The following ENOX1 variants were observed in gnomAD, a reference collection of about 807,000 sequenced individuals.
ENOX1 encodes ecto-NOX disulfide-thiol exchanger 1.
Under a neutral mutation model 82.5 loss-of-function variants are expected in ENOX1, and 42 were observed. The observed-to-expected ratio is 0.51, with a 90% CI of 0.40 to 0.66. The LOEUF is 0.66. Among genes scored for constraint, ENOX1 ranks in the 30% least tolerant of loss-of-function variants. ENOX1 has a pLI of 0.00. For missense variants in ENOX1, 608 were observed against 811.6 expected (o/e 0.75, Z 3.05); for synonymous variants, 271 against 282.2 (o/e 0.96, Z 0.40).
chr13:43,548,370 C>T (rs2079053541), intron 2 of ENOX1, among the ~76,000 whole-genome samples: 1 of 152,194 alleles, frequency 6.6e-6, no homozygotes, highest in Admixed American at 6.5e-5. Context: ...GATGTACTGG[C>T]ACACTTAATG....
At chr13:43,703,988 G>T (rs1210656590) in intron 1 of ENOX1, among the ~76,000 whole-genome samples, 1 of 151,636 alleles carries the variant, frequency 6.6e-6, no homozygotes, top group African/African-American at 2.4e-5. Flanking sequence ...AAAATAACAG[G>T]GATGGTGAAA....
At chr13:43,216,311 G>A (rs184696643) in intron 16 of ENOX1, among the ~76,000 whole-genome samples, 30 of 152,308 alleles carry the variant, frequency 2.0e-4, no homozygotes, top group African/African-American at 7.2e-4. Flanking sequence ...TTCTTCAGGT[G>A]TGTAATAGAA....
At chr13:43,458,368 C>G (rs1438800888) in intron 3 of ENOX1, 2 of 152,138 alleles carry the variant, frequency 1.3e-5, no homozygotes, top group African/African-American at 2.4e-5. Context: ...AAAAGCTATT[C>G]AAGTCAGAAT....
intron 12 of ENOX1, among the ~76,000 whole-genome samples, chr13:43,293,709 A>G (rs151138420): frequency 5.3e-4 from 81 of 152,370 alleles, no homozygotes; most frequent in African/African-American, 1.9e-3. Context: ...TGCTGAACTT[A>G]CCCAAGGGGT....
At chr13:43,460,749 G>A (rs1038607787) in intron 3 of ENOX1, among the ~76,000 whole-genome samples, 4 of 133,474 alleles carry the variant, frequency 3.0e-5, no homozygotes, top group Admixed American at 8.7e-5. Context: ...GGCAGAGATC[G>A]CACCACTGCA....
chr13:43,413,201 T>A (rs1209266360), intron 3 of ENOX1, among the ~76,000 whole-genome samples: 2 of 152,130 alleles, frequency 1.3e-5, no homozygotes, highest in Non-Finnish European at 2.9e-5. Context: ...ACTCATCGAC[T>A]CACCAGGAGC....
At chr13:43,770,459 C>T (rs1951521373) in intron 1 of ENOX1, among the ~76,000 whole-genome samples, 1 of 152,072 alleles carries the variant, frequency 6.6e-6, no homozygotes, top group Non-Finnish European at 1.5e-5. Context: ...ATCCCCTACC[C>T]ACTGGATTTT....
chr13:43,714,132 T>C lies in ENOX1; in HGVS notation c.-284-46588A>G, dbSNP rs926193203. On this transcript the variant is annotated intron_variant, in intron 1 of 16. Transcript: ENST00000690772. ...TGTTGTGTCTTTGTTCTCGTTGGTT[T>C]CAAAGAACATCTTTATTTCTGCCTT... 7.7e-4 allele frequency among the ~76,000 whole-genome samples: 117 copies of C among 151,788 alleles called. 3 individuals are homozygous for C. The highest frequency in any genetic ancestry group is 2.8e-3 in the African/African-American group (114 of 41,328).
intron 2 of ENOX1, among the ~76,000 whole-genome samples, chr13:43,496,640 CCA>C (rs1443713095): frequency 6.6e-6 from 1 of 152,128 alleles, no homozygotes; most frequent in African/African-American, 2.4e-5. Flanking sequence ...CCTCGGCCTC[CCA>C]CAGTGTTGGG....
chr13:43,394,064 T>G (rs1201726158), intron 5 of ENOX1, among the ~76,000 whole-genome samples: 2 of 152,250 alleles, frequency 1.3e-5, no homozygotes, highest in African/African-American at 4.8e-5. Flanking sequence ...ATCACAAGCC[T>G]AGAAGATGCA....
chr13:43,247,860 TATATA>T lies in ENOX1; in HGVS notation c.1612-11127_1612-11123del, dbSNP rs2043194144. ...ATATATATATATATATATATATATA[TATATA>T]TATATATATATATATATATTTTTTT... On this transcript the variant is annotated intron_variant, in intron 14 of 16. Coordinates refer to ENST00000690772, the MANE Select transcript of ENOX1 (RefSeq NM_001347969.2). 6.8e-3 allele frequency among the ~76,000 whole-genome samples: 27 copies of T among 3,946 alleles called. 3 individuals carry two copies. The highest frequency in any genetic ancestry group is 0.015 in the Admixed American group (3 of 206). 2.6% of individuals were successfully genotyped at this position (3,946 alleles called of 152,430 possible). A position where few individuals can be genotyped will look rare whatever the true frequency, so the allele number is the denominator to read the frequency against.
At chr13:43,596,619 G>C (rs996622793) in intron 2 of ENOX1, among the ~76,000 whole-genome samples, 54 of 152,180 alleles carry the variant, frequency 3.5e-4, no homozygotes, top group African/African-American at 1.2e-3. Context: ...CATCCTTTCT[G>C]TGTGTTCAAA....
At position 43,341,500 on chromosome 13, in the gene ENOX1, G is replaced by C. The variant is rs543674849; in HGVS notation, c.1036+3038C>G. Reference sequence around the variant, plus strand: ...TGGAAGGTGGTTTTGATGGGCTCAGGGGGAAAGGGGCCAGTGGAAATGATG... The same window carrying C: ...TGGAAGGTGGTTTTGATGGGCTCAGCGGGAAAGGGGCCAGTGGAAATGATG... On this transcript the variant is annotated intron_variant, in intron 9 of 16. Transcript: ENST00000690772. 3.9e-5 allele frequency among the ~76,000 whole-genome samples: 6 copies of C among 152,252 alleles called. No individual in the cohort carries two copies. The South Asian group carries it at 1.0e-3, about 26-fold the overall frequency.
intron 1 of ENOX1, among the ~76,000 whole-genome samples, chr13:43,739,756 G>A (rs896456751): frequency 2.2e-4 from 33 of 151,988 alleles, no homozygotes; most frequent in South Asian, 1.7e-3. Context: ...GAAGCTGTGT[G>A]ATATACGGTT....
intron 1 of ENOX1, among the ~76,000 whole-genome samples, chr13:43,764,524 T>C (rs1469804931): frequency 6.6e-6 from 1 of 152,134 alleles, no homozygotes; most frequent in Non-Finnish European, 1.5e-5. Context: ...TACTGTGAAA[T>C]GTAAAGGCAG....
chr13:43,571,813 G>T (rs563401171), intron 2 of ENOX1, among the ~76,000 whole-genome samples: 4 of 152,218 alleles, frequency 2.6e-5, no homozygotes, highest in Admixed American at 2.0e-4. Context: ...GGCTGAAGTG[G>T]ATAATCTTTA....
chr13:43,361,516 C>A (rs2050505912), intron 5 of ENOX1, 64 bp from the exon 6 acceptor site: 1 of 1,478,676 alleles, frequency 6.8e-7, no homozygotes, highest in South Asian at 1.3e-5. Context: ...TTGTTTTTGC[C>A]ATTTTCCTGT....
At chr13:43,462,300 T>TTGCCTAC (rs1306644004) in intron 3 of ENOX1, among the ~76,000 whole-genome samples, 2 of 152,240 alleles carry the variant, frequency 1.3e-5, no homozygotes, top group Non-Finnish European at 2.9e-5. Flanking sequence ...CCATTTGTCT[T>TTGCCTAC]TGCCTACGAA....
intron 16 of ENOX1, among the ~76,000 whole-genome samples, chr13:43,220,833 C>T (rs957384014): frequency 6.6e-6 from 1 of 152,168 alleles, no homozygotes; most frequent in Non-Finnish European, 1.5e-5. Flanking sequence ...AATATGCATA[C>T]TATTAAGGAT....
Sources: allele counts gnomAD v4.1 joint callset (sites outside exome capture counted in the v4.1 genomes callset), GRCh38; gene constraint gnomAD v4.1.1; transcripts MANE v1.5; gene names NCBI Gene and HGNC (gene_info 2026-07-23, HGNC 2026-07-21).